Variants in DOK1 observed in about 807,000 individuals in gnomAD.
The protein encoded by DOK1 is docking protein 1.
DOK1 carries 12 observed loss-of-function variants against 24.0 expected under a neutral mutation model. That is an observed-to-expected ratio of 0.50 (90% CI 0.32 to 0.81). The LOEUF is 0.81. DOK1 is among the 30% of genes least tolerant of loss of function. DOK1 has a pLI of 0.03. For synonymous variants in DOK1, 250 were observed against 260.9 expected (o/e 0.96, Z 0.40); for missense variants, 591 against 620.7 (o/e 0.95, Z 0.51).
chr2:74,556,335 C>G lies in DOK1; in HGVS notation c.667C>G (p.Arg223Gly), dbSNP rs762560981. ...CATGTTCTCTTTCGAGGCCGGCCGC[C>G]GCTGCCCCTCAGGCCCTGGAACCTT... The part of the protein sequence containing the change: ...KVMFSFEAGR[R>G]CPSGPGTFTF... The change falls in exon 5 of 5, where the codon CGC (arginine) becomes GGC (glycine). Residue 223 changes from arginine (R) to glycine (G), a missense_variant. Physicochemically the swap from Arg to Gly is moderately radical, Grantham distance 125 (BLOSUM62 -2). Transcript: ENST00000233668. The surrounding 1 kb of genome is among the most constrained non-coding windows in gnomAD (Gnocchi z 4.1). 2 of 1,612,994 alleles carry G rather than the reference C, an allele frequency of 1.2e-6. No individual in the cohort carries two copies. The highest frequency in any genetic ancestry group is 1.7e-6 in the Non-Finnish European group (2 of 1,179,452).
At chr2:74,554,703 G>GCCCCGCCTCCCGCCTCCCC, upstream of DOK1, 1 of 1,588,744 alleles carries the variant, frequency 6.3e-7, no homozygotes, top group Non-Finnish European at 8.6e-7. This position sits in a 1 kb window ranked among gnomAD's most constrained non-coding sequence, Gnocchi z 4.9. Flanking sequence ...CCCGCCTCCC[G>GCCCCGCCTCCCGCCTCCCC]CCCCGCCTCC....
upstream of DOK1, chr2:74,549,934 C>G (rs1001517512): frequency 3.7e-5 from 36 of 985,330 alleles, no homozygotes; most frequent in Non-Finnish European, 3.9e-5. This position sits in a 1 kb window ranked among gnomAD's most constrained non-coding sequence, Gnocchi z 5.3. Flanking sequence ...AGAAGGAGAG[C>G]ACCAGGTGCC....
At chr2:74,550,488 A>T (rs896009959), upstream of DOK1, 10 of 908,398 alleles carry the variant, frequency 1.1e-5, no homozygotes, top group African/African-American at 1.7e-4. Flanking sequence ...AGGGGTGGAG[A>T]CGGGACAGGG....
At position 74,556,826 on chromosome 2, in the gene DOK1, A is replaced by G. The variant is rs372092315; in HGVS notation, c.1158A>G (p.Ala386=). ...LYDLPREPKD[A]WWCQARVKEE... ...ATCTGCCTCGGGAGCCCAAGGATGC[A>G]TGGTGGTGCCAAGCTCGGGTGAAGG... The change falls in exon 5 of 5, where the codon GCA becomes GCG. Residue 386 remains alanine, a synonymous_variant. Transcript: ENST00000233668. This position sits in a 1 kb window ranked among gnomAD's most constrained non-coding sequence, Gnocchi z 4.1. 2.5e-6 allele frequency: 4 copies of G among 1,614,012 alleles called. No individual in the cohort carries two copies. Among genetic ancestry groups the G allele is most frequent in the African/African-American group, 2.7e-5 (2 of 74,922 alleles).
Position 74,556,062 on chromosome 2 carries a change from G to T in DOK1, c.623G>T (p.Arg208Leu). ...LLSWPYTLLRRYGRDKVMFSF... is the reference protein window; with the variant it reads ...LLSWPYTLLRLYGRDKVMFSF... ...TCCTGGCCCTACACTCTGTTGCGTC[G>T]CTATGGCCGGGACAAGGTGCAGGGG... The change falls in exon 4 of 5, where the codon CGC becomes CTC. Residue 208 changes from arginine (R) to leucine (L), a missense_variant. By Grantham distance (102) the Arg-to-Leu change is moderately radical. Transcript: ENST00000233668. This position sits in a 1 kb window ranked among gnomAD's most constrained non-coding sequence, Gnocchi z 4.1. 6.3e-7 allele frequency: 1 copy of T among 1,596,950 alleles called. No homozygotes were observed. Among genetic ancestry groups the T allele is most frequent in the Non-Finnish European group, 8.5e-7 (1 of 1,170,232 alleles).
At chr2:74,554,410 G>A (rs923362312), upstream of DOK1, 4 of 314,566 alleles carry the variant, frequency 1.3e-5, no homozygotes, top group South Asian at 4.5e-5. This position sits in a 1 kb window ranked among gnomAD's most constrained non-coding sequence, Gnocchi z 4.9. Context: ...GGCGCTTTCG[G>A]GGTGATGTCA....
rs1221001832 is a variant in DOK1 at position 74,557,528 on chromosome 2, T to G, written c.*414T>G. The G allele has an allele frequency of 6.1e-6, 1 of 164,174 alleles. No individual in the cohort carries two copies. The highest frequency in any genetic ancestry group is 2.4e-5 in the African/African-American group (1 of 41,666). 10.2% of individuals were successfully genotyped at this position (164,174 alleles called of 1,614,324 possible). A position where few individuals can be genotyped will look rare whatever the true frequency, so the allele number is the denominator to read the frequency against. ...CTATTTAAAAATTTTAAAATTCTCA[T>G]TAAAGTCAGCTTGGGTTTAAGAAGT... On this transcript the variant is annotated 3_prime_UTR_variant, in exon 5 of 5. Transcript: ENST00000233668.
chr2:74,555,125 C>T lies in DOK1; in HGVS notation c.61-29C>T, dbSNP rs775100757. The T allele has an allele frequency of 3.9e-4, 619 of 1,589,104 alleles. No individual in the cohort carries two copies. The highest frequency in any genetic ancestry group is 5.1e-4 in the Non-Finnish European group (597 of 1,166,450). ...CCCGGGCCGCCTGCGCACGCCACTC[C>T]CTCTCGAGCACTCTCTCTCTCTCCC... On this transcript the variant is annotated intron_variant, in intron 1 of 4. Coordinates refer to ENST00000233668, the MANE Select transcript of DOK1 (RefSeq NM_001381.5). This position sits in a 1 kb window ranked among gnomAD's most constrained non-coding sequence, Gnocchi z 6.1.
chr2:74,550,122 C>A, upstream of DOK1: 1 of 1,539,428 alleles, frequency 6.5e-7, no homozygotes, highest in East Asian at 2.3e-5. Flanking sequence ...TCTCCGCTAA[C>A]CACCCCACAG....
chr2:74,550,884 C>T (rs1443713944), upstream of DOK1, among the ~76,000 whole-genome samples: 1 of 151,734 alleles, frequency 6.6e-6, no homozygotes, highest in African/African-American at 2.4e-5. Flanking sequence ...TTGTGCCCGC[C>T]CTGTCTGTGC....
At position 74,556,764 on chromosome 2, in the gene DOK1, G is replaced by A; in HGVS notation, c.1096G>A (p.Glu366Lys). The change falls in exon 5 of 5, where the codon GAG (glutamate) becomes AAG (lysine). Residue 366 changes from glutamate to lysine, a missense_variant. By Grantham distance (56) the Glu-to-Lys change is moderately conservative. Transcript: ENST00000233668. This position sits in a 1 kb window ranked among gnomAD's most constrained non-coding sequence, Gnocchi z 4.1. ...AGAGGATCCCATCTATGATGAACCT[G>A]AGGGCCTGGCCCCAGTCCCTCCCCA... ...PKEDPIYDEP[E>K]GLAPVPPQGL... The A allele has an allele frequency of 1.2e-6, 2 of 1,614,170 alleles. No homozygotes were observed. The highest frequency in any genetic ancestry group is 1.7e-6 in the Non-Finnish European group (2 of 1,180,016).
upstream of DOK1, among the ~76,000 whole-genome samples, chr2:74,551,616 T>C (rs1039649536): frequency 3.3e-5 from 5 of 152,252 alleles, no homozygotes; most frequent in Admixed American, 1.3e-4. Flanking sequence ...TCTAGGCAGC[T>C]CTCCTCTGAA....
Position 74,549,122 on chromosome 2 carries a change from G to T in DOK1, c.-408G>T, listed in dbSNP as rs1676813298. On this transcript the variant is annotated 5_prime_UTR_variant, in exon 1 of 5. Coordinates refer to the DOK1 transcript ENST00000409429. This position sits in a 1 kb window ranked among gnomAD's most constrained non-coding sequence, Gnocchi z 5.3. ...CCGGGGCCGAGGAATCCGCCTGCCC[G>T]CCCAGGCGTCGGCCACGAGAGAGCG... is the stretch of plus-strand genomic sequence containing the variant. The T allele has an allele frequency of 2.7e-6, 1 of 369,812 alleles. No homozygotes were observed. The highest frequency in any genetic ancestry group is 4.8e-6 in the Non-Finnish European group (1 of 209,964). The allele number at this position is 369,812 out of a possible 1,614,324, so 22.9% of individuals were successfully genotyped here.
Position 74,555,125 on chromosome 2 carries a change from C to G in DOK1, c.61-29C>G. On this transcript the variant is annotated intron_variant, in intron 1 of 4. Transcript: ENST00000233668. The surrounding 1 kb of genome is among the most constrained non-coding windows in gnomAD (Gnocchi z 6.1). ...CCCGGGCCGCCTGCGCACGCCACTC[C>G]CTCTCGAGCACTCTCTCTCTCTCCC... 1 of 1,589,222 alleles carries G rather than the reference C, an allele frequency of 6.3e-7. No individual in the cohort carries two copies. Among genetic ancestry groups the G allele is most frequent in the South Asian group, 1.1e-5 (1 of 88,658 alleles).
In DOK1 at chr2:74,555,095, C is replaced by T. The variant is rs1677326986; in HGVS notation, c.61-59C>T. On this transcript the variant is annotated intron_variant, in intron 1 of 4. Coordinates refer to ENST00000233668, the MANE Select transcript of DOK1 (RefSeq NM_001381.5). This position sits in a 1 kb window ranked among gnomAD's most constrained non-coding sequence, Gnocchi z 6.1. ...CTTGCGCCGCAACCTCCTTCCCCGT[C>T]GGGACCCGGGCCGCCTGCGCACGCC... 1 of 1,547,768 alleles carries T rather than the reference C, an allele frequency of 6.5e-7. No homozygotes were observed. Among genetic ancestry groups the T allele is most frequent in the Non-Finnish European group, 8.7e-7 (1 of 1,147,360 alleles).
Position 74,549,410 on chromosome 2 carries a change from C to T in DOK1, c.-358+238C>T. On this transcript the variant is annotated intron_variant, in intron 1 of 4. Coordinates refer to the DOK1 transcript ENST00000409429. The surrounding 1 kb of genome is among the most constrained non-coding windows in gnomAD (Gnocchi z 5.3). The stretch of plus-strand genomic sequence containing the variant: ...TGACCCTCTTTTCGCTGGGGAAGCC[C>T]AGCATCCCGCAGACCACGTGGCTGT... 4 of 1,612,234 alleles carry T rather than the reference C, an allele frequency of 2.5e-6. No homozygotes were observed. The highest frequency in any genetic ancestry group is 3.4e-6 in the Non-Finnish European group (4 of 1,179,066).
Position 74,556,766 on chromosome 2 carries a change from G to C in DOK1, c.1098G>C (p.Glu366Asp). 3.1e-6 allele frequency: 5 copies of C among 1,614,162 alleles called. No individual in the cohort carries two copies. The highest frequency in any genetic ancestry group is 4.2e-6 in the Non-Finnish European group (5 of 1,180,016). Reference protein sequence around the residue: ...PKEDPIYDEPEGLAPVPPQGL... With the variant: ...PKEDPIYDEPDGLAPVPPQGL... ...AGGATCCCATCTATGATGAACCTGA[G>C]GGCCTGGCCCCAGTCCCTCCCCAGG... Residue 366 changes from glutamate to aspartate, a missense_variant, in exon 5 of 5, where the codon GAG (glutamate) becomes GAC (aspartate). Physicochemically the swap from Glu to Asp is conservative, Grantham distance 45. Transcript: ENST00000233668. The surrounding 1 kb of genome is among the most constrained non-coding windows in gnomAD (Gnocchi z 4.1).
chr2:74,549,779 G>A, upstream of DOK1: 1 of 1,425,076 alleles, frequency 7.0e-7, no homozygotes, highest in Non-Finnish European at 9.2e-7. The surrounding 1 kb of genome is among the most constrained non-coding windows in gnomAD (Gnocchi z 5.3). Context: ...CGTGGGATGT[G>A]CTGTGCTCCC....
Position 74,556,689 on chromosome 2 carries a change from T to C in DOK1, c.1021T>C (p.Tyr341His), listed in dbSNP as rs756898032. 2 of 1,614,194 alleles carry C rather than the reference T, an allele frequency of 1.2e-6. No homozygotes were observed. Among genetic ancestry groups the C allele is most frequent in the Admixed American group, 1.7e-5 (1 of 60,026 alleles). The part of the protein sequence containing the change: ...QRKKPLYWDL[Y>H]EHAQQQLLKA... ...GAAGAAACCTCTCTATTGGGACTTG[T>C]ATGAGCATGCGCAGCAGCAGTTGCT... is the stretch of plus-strand genomic sequence containing the variant. Residue 341 changes from tyrosine to histidine, a missense_variant, in exon 5 of 5, where the codon TAT becomes CAT. By Grantham distance (83) the Tyr-to-His change is moderately conservative. Transcript: ENST00000233668. This position sits in a 1 kb window ranked among gnomAD's most constrained non-coding sequence, Gnocchi z 4.1.
Sources: allele counts gnomAD v4.1 joint callset (sites outside exome capture counted in the v4.1 genomes callset), GRCh38; gene constraint gnomAD v4.1.1; non-coding constraint Gnocchi (gnomAD v3.1); transcripts MANE v1.5; gene names NCBI Gene and HGNC (gene_info 2026-07-23, HGNC 2026-07-21).